Variants in LPAR1 observed in about 807,000 individuals in gnomAD.
LPAR1 encodes the protein LPA receptor 1.
Under a neutral mutation model 23.8 loss-of-function variants are expected in LPAR1, and 5 were observed. The ratio of observed to expected loss-of-function variants is 0.21; its 90% confidence interval spans 0.11 to 0.44. The LOEUF (loss-of-function observed/expected upper bound fraction) is 0.44. LPAR1 is among the 20% of genes least tolerant of loss of function. The probability of loss-of-function intolerance (pLI) is 0.99; values close to 1 mark genes in which losing one functional copy is unlikely to be tolerated. For synonymous variants in LPAR1, 160 were observed against 164.7 expected (o/e 0.97, Z 0.22); for missense variants, 311 against 482.8 (o/e 0.64, Z 3.33).
intron 5 of LPAR1, among the ~76,000 whole-genome samples, chr9:110,921,416 G>T (rs550501174): frequency 6.6e-6 from 1 of 152,076 alleles, no homozygotes; most frequent in Non-Finnish European, 1.5e-5. Flanking sequence ...AGTAAATTAC[G>T]AAATTACTGT....
At chr9:111,036,004 T>C (rs1172140783) in intron 2 of LPAR1, 118 bp downstream of exon 2, 1 of 152,246 alleles carries the variant, frequency 6.6e-6, no homozygotes, top group Non-Finnish European at 1.5e-5. Flanking sequence ...ATAGATTCAG[T>C]AAAACCTTGC....
intron 5 of LPAR1, among the ~76,000 whole-genome samples, chr9:110,937,584 C>A (rs529343355): frequency 1.3e-5 from 2 of 152,234 alleles, no homozygotes; most frequent in East Asian, 3.9e-4. Context: ...TCTAAGGTAG[C>A]ACATGATTTA....
intron 2 of LPAR1, among the ~76,000 whole-genome samples, chr9:110,982,861 T>TACAC (rs55748505): frequency 0.2 from 28,458 of 139,866 alleles, 2,806 homozygotes; most frequent in Middle Eastern, 0.24. Context: ...TATATACACA[T>TACAC]ACACACACAC....
chr9:110,925,188 C>T (rs1013119483), intron 5 of LPAR1, among the ~76,000 whole-genome samples: 66 of 151,226 alleles, frequency 4.4e-4, no homozygotes, highest in African/African-American at 1.6e-3. Flanking sequence ...GGATGGCACC[C>T]CAAAATACAG....
intron 5 of LPAR1, among the ~76,000 whole-genome samples, chr9:110,932,530 A>G (rs1455742875): frequency 6.6e-6 from 1 of 152,258 alleles, no homozygotes; most frequent in Non-Finnish European, 1.5e-5. Context: ...AAGGAAACAG[A>G]ATAACAGAAT....
At chr9:111,022,716 C>T (rs1185419732) in intron 2 of LPAR1, among the ~76,000 whole-genome samples, 7 of 152,074 alleles carry the variant, frequency 4.6e-5, no homozygotes, top group African/African-American at 1.7e-4. Context: ...GCATATCGAA[C>T]ACAACTTTGT....
intron 4 of LPAR1, among the ~76,000 whole-genome samples, chr9:110,970,139 G>C (rs2096368409): frequency 6.6e-6 from 1 of 152,144 alleles, no homozygotes; most frequent in South Asian, 2.1e-4. Context: ...CAGCTGATAG[G>C]AGCTTGTGTA....
intron 2 of LPAR1, among the ~76,000 whole-genome samples, chr9:111,024,555 C>T (rs1466878741): frequency 8.8e-5 from 3 of 34,028 alleles, no homozygotes; most frequent in Non-Finnish European, 2.1e-4. Context: ...TATATATATA[C>T]ACACACATAT....
chr9:110,987,773 T>A (rs1401891273), intron 2 of LPAR1, among the ~76,000 whole-genome samples: 1 of 151,862 alleles, frequency 6.6e-6, no homozygotes, highest in African/African-American at 2.4e-5. Context: ...AAAATATGCA[T>A]ATAAATGGAT....
At position 110,988,268 on chromosome 9, in the gene LPAR1, A is replaced by G. The variant is rs189568250; in HGVS notation, c.-181-14710T>C. Among the ~76,000 whole-genome samples the G allele has an allele frequency of 6.6e-3, 1,000 of 152,198 alleles. 10 individuals carry two copies. The highest frequency in any genetic ancestry group is 9.6e-3 in the Non-Finnish European group (652 of 67,982). On this transcript the variant is annotated intron_variant, in intron 2 of 5. Coordinates refer to ENST00000683809, the MANE Select transcript of LPAR1 (RefSeq NM_001351411.2). ...TCAGACAGAAAGAAAATTATACCACATGAAAATATGGATCCTCATAAAGAA... is the reference window on the plus strand; with the variant it reads ...TCAGACAGAAAGAAAATTATACCACGTGAAAATATGGATCCTCATAAAGAA...
At chr9:110,969,142 T>C (rs545811672) in intron 4 of LPAR1, among the ~76,000 whole-genome samples, 12 of 152,286 alleles carry the variant, frequency 7.9e-5, no homozygotes, top group African/African-American at 2.9e-4. Flanking sequence ...AAGATTTTGT[T>C]GGATAGAGGT....
chr9:110,892,018 C>T (rs28650945), intron 5 of LPAR1, among the ~76,000 whole-genome samples: 3 of 152,092 alleles, frequency 2.0e-5, no homozygotes, highest in African/African-American at 2.4e-5. Context: ...TATCATATGA[C>T]TCAGCCATTC....
chr9:110,874,204 A>T lies in LPAR1; in HGVS notation c.*1217T>A, dbSNP rs1487328151. On this transcript the variant is annotated 3_prime_UTR_variant, in exon 6 of 6. Coordinates refer to ENST00000683809, the MANE Select transcript of LPAR1 (RefSeq NM_001351411.2). ...ACCAAATTTCTGCAACTTTATAATA[A>T]TGAAAATTAGAAACAACCTAAATAG... is the stretch of plus-strand genomic sequence containing the variant. 1.3e-4 allele frequency: 20 copies of T among 152,656 alleles called. No individual in the cohort carries two copies. Among genetic ancestry groups the T allele is most frequent in the Admixed American group, 1.2e-3 (19 of 15,274 alleles). 9.5% of individuals were successfully genotyped at this position (152,656 alleles called of 1,614,324 possible). A position where few individuals can be genotyped will look rare whatever the true frequency, so the allele number is the denominator to read the frequency against.
chr9:111,018,987 A>G (rs551847525), intron 2 of LPAR1, among the ~76,000 whole-genome samples: 4 of 152,360 alleles, frequency 2.6e-5, no homozygotes, highest in African/African-American at 9.6e-5. Context: ...AAAAACAATC[A>G]GTAGAAATAA....
chr9:110,946,742 G>T (rs2095396720), intron 4 of LPAR1, among the ~76,000 whole-genome samples: 1 of 151,922 alleles, frequency 6.6e-6, no homozygotes, highest in South Asian at 2.1e-4. Flanking sequence ...CACAGAACAT[G>T]ATTCTAAATA....
At chr9:110,931,840 G>T (rs1411320261) in intron 5 of LPAR1, among the ~76,000 whole-genome samples, 3 of 152,172 alleles carry the variant, frequency 2.0e-5, no homozygotes, top group Non-Finnish European at 1.5e-5. Context: ...GTAGATATGT[G>T]GCATTATTTC....
At chr9:110,956,132 C>A (rs1353561324) in intron 4 of LPAR1, among the ~76,000 whole-genome samples, 1 of 149,062 alleles carries the variant, frequency 6.7e-6, no homozygotes, top group South Asian at 2.1e-4. Flanking sequence ...CAAACTATCA[C>A]AAGAACAGAA....
At chr9:110,990,833 C>T (rs1009735547) in intron 2 of LPAR1, among the ~76,000 whole-genome samples, 4 of 151,736 alleles carry the variant, frequency 2.6e-5, no homozygotes, top group East Asian at 1.9e-4. Flanking sequence ...CCAGATTAGT[C>T]GAGAAAAAAG....
intron 4 of LPAR1, among the ~76,000 whole-genome samples, chr9:110,968,386 G>A (rs1380748386): frequency 2.6e-5 from 4 of 152,040 alleles, no homozygotes; most frequent in African/African-American, 9.7e-5. Context: ...ATGCCCCACT[G>A]TAGTGCAACC....
Sources: allele counts gnomAD v4.1 joint callset (sites outside exome capture counted in the v4.1 genomes callset), GRCh38; gene constraint gnomAD v4.1.1; transcripts MANE v1.5; gene names NCBI Gene and HGNC (gene_info 2026-07-23, HGNC 2026-07-21).